Variants in RIIAD1 observed in about 807,000 individuals in gnomAD.
The protein encoded by RIIAD1 is regulatory subunit of type II PKA R-subunit domain containing 1, also known as RIIa domain-containing protein 1.
A neutral mutation model predicts 13.3 loss-of-function variants in RIIAD1; 15 were observed. The ratio of observed to expected loss-of-function variants is 1.13; its 90% CI spans 0.76 to 1.74. RIIAD1 has a LOEUF of 1.74. RIIAD1 is among the 40% of genes most tolerant of loss of function. The pLI, the probability that RIIAD1 is intolerant of heterozygous loss-of-function variation, is 0.00. For synonymous variants in RIIAD1, 50 were observed against 43.3 expected, an observed-to-expected ratio of 1.16 and a Z score of -0.61; for missense variants, 121 against 112.2, an observed-to-expected ratio of 1.08 and a Z score of -0.35.
intron 2 of RIIAD1, among the ~76,000 whole-genome samples, chr1:151,726,997 T>C (rs6587615): frequency 0.38 from 57,496 of 152,094 alleles, 12,935 homozygotes; most frequent in Non-Finnish European, 0.52. Flanking sequence ...TCAGTGAAAA[T>C]GATCGTTGAG....
chr1:151,717,463 G>C (rs1308147879), upstream of RIIAD1, among the ~76,000 whole-genome samples: 1 of 152,156 alleles, frequency 6.6e-6, no homozygotes, highest in East Asian at 1.9e-4. Flanking sequence ...GGGGGTTTGT[G>C]TGTATAAGTG....
chr1:151,715,700 G>A (rs917449844), intron 4 of RIIAD1: 3 of 1,545,088 alleles, frequency 1.9e-6, no homozygotes, highest in African/African-American at 2.7e-5. Flanking sequence ...CTTCACCGGG[G>A]TTTCCTGATC....
In RIIAD1 at chr1:151,721,630, C is replaced by T; in HGVS notation, c.84+10C>T. The T allele has an allele frequency of 7.8e-7, 1 of 1,274,566 alleles. No individual in the cohort carries two copies. The highest frequency in any genetic ancestry group is 9.9e-7 in the Non-Finnish European group (1 of 1,005,294). 79.0% of individuals were successfully genotyped at this position (1,274,566 alleles called of 1,614,324 possible). A position where few individuals can be genotyped will look rare whatever the true frequency, so the allele number is the denominator to read the frequency against. The stretch of plus-strand genomic sequence containing the variant: ...GCTGCGAAAATTCAAGGTGGGTGCG[C>T]CCGCGCCCCCATCCAGCGTCCACCA... On this transcript the variant is annotated intron_variant, in intron 1 of 4. Coordinates refer to ENST00000479191, the MANE Select transcript of RIIAD1 (RefSeq NM_001144956.3).
chr1:151,722,378 A>G (rs1218202108), intron 2 of RIIAD1, among the ~76,000 whole-genome samples: 5 of 152,256 alleles, frequency 3.3e-5, no homozygotes, highest in African/African-American at 4.8e-5. Flanking sequence ...ATTCTCAACC[A>G]TAGGAGCTTA....
intron 1 of RIIAD1, 195 bp downstream of exon 1, chr1:151,721,815 A>G: frequency 1.8e-6 from 1 of 566,420 alleles, no homozygotes; most frequent in South Asian, 2.5e-5. Flanking sequence ...CGGGCATCTG[A>G]GAGTGCAGGA....
chr1:151,713,051 T>C (rs996284748), intron 2 of RIIAD1, among the ~76,000 whole-genome samples: 10 of 152,342 alleles, frequency 6.6e-5, no homozygotes, highest in Non-Finnish European at 1.5e-4. Flanking sequence ...CCTGGGTCTG[T>C]TCCTTCAAAC....
Position 151,722,077 on chromosome 1 carries a change from G to GC in RIIAD1, c.85-3dup. The GC allele has an allele frequency of 1.9e-6, 3 of 1,545,516 alleles. No homozygotes were observed. Among genetic ancestry groups the GC allele is most frequent in the South Asian group, 1.2e-5 (1 of 83,918 alleles). ...CTAATGGAAGTGACCCTTTGTTCTT[G>GC]CCCCCCAGATTCAGACTCGGATTGC... is the stretch of plus-strand genomic sequence containing the variant. On this transcript the variant is annotated splice_polypyrimidine_tract_variant and intron_variant, in intron 1 of 4. Coordinates refer to ENST00000479191, the MANE Select transcript of RIIAD1 (RefSeq NM_001144956.3).
intron 2 of RIIAD1, among the ~76,000 whole-genome samples, chr1:151,712,809 T>C (rs992135230): frequency 1.3e-5 from 2 of 152,126 alleles, no homozygotes; most frequent in Admixed American, 1.3e-4. Flanking sequence ...AAATGTCTGA[T>C]TTTTTTAAAA....
At chr1:151,723,742 G>A (rs911704346) in intron 2 of RIIAD1, among the ~76,000 whole-genome samples, 1 of 152,108 alleles carries the variant, frequency 6.6e-6, no homozygotes. Context: ...TATTATAGAC[G>A]TTTCTCCAAG....
intron 2 of RIIAD1, among the ~76,000 whole-genome samples, chr1:151,726,984 G>A (rs1331857211): frequency 2.6e-5 from 4 of 152,184 alleles, no homozygotes; most frequent in Non-Finnish European, 5.9e-5. Context: ...CTTGAGATCT[G>A]GTTCAGTGAA....
chr1:151,724,452 A>G (rs1000905845), intron 2 of RIIAD1, among the ~76,000 whole-genome samples: 1 of 152,184 alleles, frequency 6.6e-6, no homozygotes, highest in Non-Finnish European at 1.5e-5. Flanking sequence ...GGTCCTTCCT[A>G]TGAGAAAAGA....
At chr1:151,722,615 G>T (rs1488695520) in intron 2 of RIIAD1, among the ~76,000 whole-genome samples, 1 of 152,056 alleles carries the variant, frequency 6.6e-6, no homozygotes, top group African/African-American at 2.4e-5. Flanking sequence ...TGAAGAAGGA[G>T]AATTAAAAAA....
upstream of RIIAD1, among the ~76,000 whole-genome samples, chr1:151,717,474 C>T (rs1472063760): frequency 6.6e-6 from 1 of 152,246 alleles, no homozygotes; most frequent in Admixed American, 6.5e-5. Flanking sequence ...TGTATAAGTG[C>T]GTGGGCAGGG....
chr1:151,727,739 G>A (rs545898883), intron 3 of RIIAD1, 118 bp downstream of exon 3: 59 of 693,842 alleles, frequency 8.5e-5, no homozygotes, highest in African/African-American at 8.0e-4. Context: ...TCCTTCACCT[G>A]ATGTCCCCAA....
chr1:151,724,127 C>G (rs1402941826), intron 2 of RIIAD1, among the ~76,000 whole-genome samples: 2 of 152,214 alleles, frequency 1.3e-5, no homozygotes, highest in Admixed American at 1.3e-4. Context: ...CCTTGATTCT[C>G]TCTTTGTCCA....
chr1:151,717,978 G>A (rs529747683), upstream of RIIAD1, among the ~76,000 whole-genome samples: 381 of 152,230 alleles, frequency 2.5e-3, 5 homozygotes, highest in African/African-American at 8.6e-3. Context: ...CTTGCTTTCT[G>A]TCAGTGCTCA....
intron 2 of RIIAD1, among the ~76,000 whole-genome samples, chr1:151,726,768 T>C (rs1673837409): frequency 6.6e-6 from 1 of 152,230 alleles, no homozygotes; most frequent in Non-Finnish European, 1.5e-5. Context: ...TCTAGTGGCA[T>C]TGGCCCTGCA....
chr1:151,718,093 T>C (rs2101499410), upstream of RIIAD1, among the ~76,000 whole-genome samples: 1 of 152,282 alleles, frequency 6.6e-6, no homozygotes, highest in Non-Finnish European at 1.5e-5. Context: ...ACAGAGGCAC[T>C]CGTGTCTCTA....
chr1:151,721,506 C>G (rs762013638), upstream of RIIAD1: 2 of 1,281,630 alleles, frequency 1.6e-6, no homozygotes, highest in African/African-American at 3.1e-5. Context: ...CTCGCCGGCT[C>G]GCGGCCGGTC....
Sources: gnomAD v4.1 joint callset for allele counts (sites outside exome capture counted in the v4.1 genomes callset) on GRCh38, gnomAD v4.1.1 for gene constraint, MANE v1.5 for transcripts, NCBI Gene and HGNC (gene_info 2026-07-23, HGNC 2026-07-21) for gene names.